Variants in MMP26 observed in about 807,000 individuals in gnomAD.
MMP26 encodes the protein matrix metalloproteinase-26.
A neutral mutation model predicts 31.0 loss-of-function variants in MMP26; 33 were observed. The ratio of observed to expected loss-of-function variants is 1.06; its 90% CI spans 0.81 to 1.42. The LOEUF (loss-of-function observed/expected upper bound fraction) is 1.42, where lower values mean the gene tolerates loss of function less well. MMP26 is among the 40% of genes most tolerant of loss of function. MMP26 has a pLI of 0.00. For missense variants in MMP26, 347 were observed against 316.1 expected (o/e 1.10, Z -0.74); for synonymous variants, 122 against 114.9 (o/e 1.06, Z -0.40).
intron 2 of MMP26, among the ~76,000 whole-genome samples, chr11:4,868,621 T>A (rs1445758991): frequency 2.0e-5 from 3 of 152,232 alleles, no homozygotes; most frequent in African/African-American, 7.2e-5. Context: ...AGAATCGATA[T>A]CACGAAAATG....
At chr11:4,853,101 A>T (rs566546069) in intron 2 of MMP26, among the ~76,000 whole-genome samples, 34 of 152,336 alleles carry the variant, frequency 2.2e-4, no homozygotes, top group African/African-American at 7.5e-4. Flanking sequence ...TTACAGTTAT[A>T]AGATGTGTAA....
At chr11:4,785,789 C>T (rs1195456347) in intron 2 of MMP26, among the ~76,000 whole-genome samples, 2 of 152,154 alleles carry the variant, frequency 1.3e-5, no homozygotes, top group Non-Finnish European at 1.5e-5. Context: ...CTAAACCTCA[C>T]TAAAAATTGC....
intron 1 of MMP26, among the ~76,000 whole-genome samples, chr11:4,738,186 C>T (rs1459297106): frequency 2.0e-5 from 3 of 152,134 alleles, no homozygotes; most frequent in African/African-American, 4.8e-5. Flanking sequence ...TCATGTTTGC[C>T]ACCTTTCCTT....
intron 2 of MMP26, among the ~76,000 whole-genome samples, chr11:4,903,084 C>A (rs915746671): frequency 6.6e-6 from 1 of 151,860 alleles, no homozygotes; most frequent in African/African-American, 2.4e-5. Flanking sequence ...AAATTGTCTT[C>A]ACATTTTTAT....
At chr11:4,757,277 G>GA (rs912996952) in intron 1 of MMP26, among the ~76,000 whole-genome samples, 6 of 140,652 alleles carry the variant, frequency 4.3e-5, no homozygotes, top group Admixed American at 2.7e-4. Context: ...ATATCACTAT[G>GA]AAAAAAAATA....
chr11:4,798,508 C>G (rs956688048), intron 2 of MMP26, among the ~76,000 whole-genome samples: 1 of 152,198 alleles, frequency 6.6e-6, no homozygotes, highest in African/African-American at 2.4e-5. Context: ...ACTGACATGC[C>G]TCTACTCTCC....
At chr11:4,759,322 G>A (rs1848544592) in intron 1 of MMP26, among the ~76,000 whole-genome samples, 1 of 152,044 alleles carries the variant, frequency 6.6e-6, no homozygotes, top group East Asian at 1.9e-4. Context: ...GTCACGGAGT[G>A]TTTAAGTAAA....
intron 1 of MMP26, among the ~76,000 whole-genome samples, chr11:4,754,073 CT>C (rs1589891159): frequency 1.3e-5 from 2 of 149,410 alleles, no homozygotes; most frequent in East Asian, 3.9e-4. Context: ...TCATTTGAGT[CT>C]TATGACAAAC....
chr11:4,951,765 A>C (rs1398522735), intron 2 of MMP26, among the ~76,000 whole-genome samples: 2 of 124,190 alleles, frequency 1.6e-5, no homozygotes, highest in African/African-American at 5.5e-5. Flanking sequence ...TAGAATATTA[A>C]GGAAGCTATT....
intron 1 of MMP26, among the ~76,000 whole-genome samples, chr11:4,731,250 T>C (rs1490438585): frequency 6.6e-6 from 1 of 152,196 alleles, no homozygotes; most frequent in East Asian, 1.9e-4. Context: ...GATGCACTAT[T>C]TTCAGTAGGC....
At chr11:4,895,993 T>C (rs774211066) in intron 2 of MMP26, among the ~76,000 whole-genome samples, 23 of 152,310 alleles carry the variant, frequency 1.5e-4, no homozygotes, top group Admixed American at 9.8e-4. Flanking sequence ...AGTCTCCTCT[T>C]GTCTGGCAAA....
At chr11:4,816,302 A>G (rs1849418230) in intron 2 of MMP26, among the ~76,000 whole-genome samples, 1 of 152,198 alleles carries the variant, frequency 6.6e-6, no homozygotes, top group African/African-American at 2.4e-5. Flanking sequence ...TCTATCCTGG[A>G]GAATGTTTCA....
intron 4 of MMP26, 40 bp from the exon 5 acceptor site, chr11:4,990,558 A>G (rs1846982446): frequency 5.8e-6 from 9 of 1,563,946 alleles, no homozygotes; most frequent in Non-Finnish European, 7.0e-6. Context: ...GATAATTCCC[A>G]TTCCTCTGAA....
chr11:4,739,391 C>G (rs999088434), intron 1 of MMP26, among the ~76,000 whole-genome samples: 38 of 152,264 alleles, frequency 2.5e-4, no homozygotes, highest in African/African-American at 8.7e-4. Context: ...TTCTTGTCAT[C>G]TGGGACTCTT....
chr11:4,858,864 CA>C (rs1850099077), intron 2 of MMP26, among the ~76,000 whole-genome samples: 1 of 152,056 alleles, frequency 6.6e-6, no homozygotes, highest in African/African-American at 2.4e-5. Flanking sequence ...GTACTGGTAC[CA>C]AAACAGAGAT....
chr11:4,877,939 A>C (rs190824903), intron 2 of MMP26: 62 of 152,322 alleles, frequency 4.1e-4, no homozygotes, highest in Non-Finnish European at 5.4e-4. Context: ...AAGTTTTGAC[A>C]AATGCGTTGT....
At chr11:4,866,952 T>A (rs532588394) in intron 2 of MMP26, among the ~76,000 whole-genome samples, 3 of 152,140 alleles carry the variant, frequency 2.0e-5, no homozygotes, top group African/African-American at 7.2e-5. Context: ...ACTAAACACT[T>A]AAATGTAAAG....
intron 2 of MMP26, among the ~76,000 whole-genome samples, chr11:4,929,249 T>C (rs1258051135): frequency 6.6e-6 from 1 of 152,064 alleles, no homozygotes; most frequent in Admixed American, 6.6e-5. Context: ...TATGACTTAT[T>C]CCACTGTTTG....
chr11:4,756,576 T>TA (rs1848506969), intron 1 of MMP26: 1 of 152,000 alleles, frequency 6.6e-6, no homozygotes. Context: ...ATTAAAATAT[T>TA]AAAAAAGTCC....
Sources: gnomAD v4.1 joint callset for allele counts (sites outside exome capture counted in the v4.1 genomes callset) on GRCh38, gnomAD v4.1.1 for gene constraint, MANE v1.5 for transcripts, NCBI Gene and HGNC (gene_info 2026-07-23, HGNC 2026-07-21) for gene names.